Variants in COL14A1 observed in about 807,000 individuals in gnomAD.
The protein encoded by COL14A1 is collagen alpha-1(XIV) chain.
Under a neutral mutation model 230.3 loss-of-function variants are expected in COL14A1, and 136 were observed. The ratio of observed to expected loss-of-function variants is 0.59; its 90% CI spans 0.51 to 0.68. The LOEUF (loss-of-function observed/expected upper bound fraction) is 0.68, where lower values mean the gene tolerates loss of function less well. Ranked by LOEUF, COL14A1 falls within the 30% of genes least tolerant of loss-of-function variation. COL14A1 has a pLI of 0.00. For missense variants in COL14A1, 1,976 were observed against 2,215.8 expected (o/e 0.89, Z 2.17); for synonymous variants, 792 against 784.1 (o/e 1.01, Z -0.17).
intron 47 of COL14A1, among the ~76,000 whole-genome samples, chr8:120,369,826 T>A (rs1823527984): frequency 6.6e-6 from 1 of 152,200 alleles, no homozygotes; most frequent in African/African-American, 2.4e-5. Context: ...TCCATTCTTA[T>A]GTGACAGCTG....
chr8:120,171,846 A>G (rs1586736139), intron 5 of COL14A1, among the ~76,000 whole-genome samples: 2 of 152,002 alleles, frequency 1.3e-5, no homozygotes, highest in Admixed American at 1.3e-4. Flanking sequence ...TCTTTTGACA[A>G]TCTATGTCTT....
chr8:120,245,985 G>A (rs891379615), intron 20 of COL14A1, among the ~76,000 whole-genome samples: 3 of 152,184 alleles, frequency 2.0e-5, no homozygotes, highest in African/African-American at 2.4e-5. Flanking sequence ...CCTGTCAATG[G>A]AAGGAGGGTT....
chr8:120,326,256 T>G (rs1821665407), intron 40 of COL14A1, among the ~76,000 whole-genome samples: 1 of 152,220 alleles, frequency 6.6e-6, no homozygotes, highest in Non-Finnish European at 1.5e-5. Context: ...AATGTCTCTG[T>G]GTCCCCAAGC....
intron 36 of COL14A1, among the ~76,000 whole-genome samples, chr8:120,307,030 A>C (rs539713089): frequency 6.6e-6 from 1 of 152,200 alleles, no homozygotes; most frequent in African/African-American, 2.4e-5. Context: ...TGCTCAATAG[A>C]AGATTTAGAG....
In COL14A1 at chr8:120,315,922, T is replaced by G. The variant is rs1264221846; in HGVS notation, c.4606-22T>G. On this transcript the variant is annotated intron_variant, in intron 39 of 47. Coordinates refer to ENST00000297848, the MANE Select transcript of COL14A1 (RefSeq NM_021110.4). Reference sequence around the variant, plus strand: ...GACTCATTCCTGTGAACCTGACTCTTTTTTGTCCCTGTTCTACACAGGGTA... The same window carrying G: ...GACTCATTCCTGTGAACCTGACTCTGTTTTGTCCCTGTTCTACACAGGGTA... 6.2e-6 allele frequency: 10 copies of G among 1,612,708 alleles called. No individual in the cohort carries two copies. In the Admixed American group the frequency reaches 1.3e-4, roughly 22 times the overall value.
chr8:120,169,714 A>G (rs1029961409), intron 5 of COL14A1, among the ~76,000 whole-genome samples: 5 of 151,904 alleles, frequency 3.3e-5, no homozygotes, highest in Non-Finnish European at 5.9e-5. Flanking sequence ...TTTACTCTGA[A>G]TTTTGATGCA....
At chr8:120,176,468 G>C (rs1219804951) in intron 5 of COL14A1, among the ~76,000 whole-genome samples, 1 of 152,112 alleles carries the variant, frequency 6.6e-6, no homozygotes, top group Non-Finnish European at 1.5e-5. Context: ...ATACTTTTAT[G>C]GTTCTTGGCT....
chr8:120,163,049 T>C (rs1815737287), intron 4 of COL14A1, among the ~76,000 whole-genome samples: 1 of 152,208 alleles, frequency 6.6e-6, no homozygotes, highest in Non-Finnish European at 1.5e-5. Flanking sequence ...AATGTCTGAA[T>C]GGATAATGCC....
chr8:120,338,870 C>A (rs1286837146), intron 42 of COL14A1, among the ~76,000 whole-genome samples: 1 of 152,134 alleles, frequency 6.6e-6, no homozygotes, highest in Non-Finnish European at 1.5e-5. Flanking sequence ...GTTCTTTTCT[C>A]CAGTTGGTCC....
chr8:120,281,886 T>G (rs933634032), intron 31 of COL14A1, among the ~76,000 whole-genome samples: 14 of 152,224 alleles, frequency 9.2e-5, no homozygotes, highest in Admixed American at 9.2e-4. Flanking sequence ...TCTAGAAAGT[T>G]GAAGAGTAGT....
chr8:120,164,949 T>C (rs1225060101), intron 4 of COL14A1, among the ~76,000 whole-genome samples: 1 of 152,204 alleles, frequency 6.6e-6, no homozygotes, highest in Non-Finnish European at 1.5e-5. Context: ...ATATAAATCT[T>C]CCCAGGCTAC....
At chr8:120,288,721 C>T (rs368973777) in intron 33 of COL14A1, among the ~76,000 whole-genome samples, 8 of 152,078 alleles carry the variant, frequency 5.3e-5, no homozygotes, top group African/African-American at 9.7e-5. Flanking sequence ...TTTGAACTAC[C>T]GTAATGCCTT....
chr8:120,268,733 T>G (rs1697451532), intron 25 of COL14A1, among the ~76,000 whole-genome samples: 1 of 151,764 alleles, frequency 6.6e-6, no homozygotes, highest in Non-Finnish European at 1.5e-5. Context: ...AAAACACAGC[T>G]TTCTACCCCA....
At chr8:120,259,000 G>A (rs775929596) in intron 23 of COL14A1, among the ~76,000 whole-genome samples, 2 of 152,148 alleles carry the variant, frequency 1.3e-5, no homozygotes, top group Non-Finnish European at 2.9e-5. Context: ...TTAGATAAAG[G>A]TTTAGAGGAT....
intron 26 of COL14A1, chr8:120,277,747 G>C (rs1378750098): frequency 6.5e-6 from 1 of 154,626 alleles, no homozygotes; most frequent in African/African-American, 2.4e-5. Flanking sequence ...ATAGACACTA[G>C]GGGCTACTAG....
chr8:120,334,408 T>G (rs1821979552), intron 42 of COL14A1, among the ~76,000 whole-genome samples: 1 of 152,184 alleles, frequency 6.6e-6, no homozygotes, highest in African/African-American at 2.4e-5. Context: ...TACTTTTAGA[T>G]CTCTTCTTTT....
chr8:120,131,117 C>T (rs1814511315), intron 1 of COL14A1, among the ~76,000 whole-genome samples: 1 of 152,152 alleles, frequency 6.6e-6, no homozygotes, highest in Non-Finnish European at 1.5e-5. Context: ...TCCAGTCCAC[C>T]ATTGATGAGC....
chr8:120,356,677 G>A lies in COL14A1; in HGVS notation c.5078-10494G>A, dbSNP rs530879523. Among the ~76,000 whole-genome samples the A allele has an allele frequency of 1.5e-4, 22 of 151,574 alleles. No homozygotes were observed. In the South Asian group the frequency reaches 4.4e-3, roughly 30 times the overall value. ...ACAGGATAACATATCCTGTACTCCA[G>A]CCAGGAGTACAGAGCACTCCAGCCA... On this transcript the variant is annotated intron_variant, in intron 45 of 47. Coordinates refer to ENST00000297848, the MANE Select transcript of COL14A1 (RefSeq NM_021110.4).
chr8:120,297,469 A>G, intron 34 of COL14A1, 42 bp from the exon 35 acceptor site: 1 of 968,616 alleles, frequency 1.0e-6, no homozygotes, highest in Non-Finnish European at 1.4e-6. Context: ...AAGATAATTT[A>G]TATATATTTT....
Sources: gnomAD v4.1 joint callset for allele counts (sites outside exome capture counted in the v4.1 genomes callset) on GRCh38, gnomAD v4.1.1 for gene constraint, MANE v1.5 for transcripts, NCBI Gene and HGNC (gene_info 2026-07-23, HGNC 2026-07-21) for gene names.